Variants in ANKS1B observed in about 807,000 individuals in gnomAD.
The protein encoded by ANKS1B is ankyrin repeat and sterile alpha motif domain-containing protein 1B.
In ANKS1B, 36 loss-of-function variants were observed where a neutral mutation model predicts 148.3. The ratio of observed to expected loss-of-function variants is 0.24; its 90% CI spans 0.19 to 0.32. The LOEUF (loss-of-function observed/expected upper bound fraction) is 0.32, where lower values mean the gene tolerates loss of function less well. Among genes scored for constraint, ANKS1B ranks in the 10% least tolerant of loss-of-function variants. The pLI is 1.00. For missense variants in ANKS1B, 1,157 were observed against 1,542.6 expected, an observed-to-expected ratio of 0.75 and a Z score of 4.19; for synonymous variants, 542 against 560.8, an observed-to-expected ratio of 0.97 and a Z score of 0.47.
At chr12:99,829,426 G>A (rs981082292) in intron 1 of ANKS1B, among the ~76,000 whole-genome samples, 2 of 152,026 alleles carry the variant, frequency 1.3e-5, no homozygotes, top group South Asian at 2.1e-4. Context: ...TGAGTAGGGC[G>A]GATCATGAGG....
chr12:99,952,386 T>C (rs969848360), intron 1 of ANKS1B, among the ~76,000 whole-genome samples: 4 of 152,238 alleles, frequency 2.6e-5, no homozygotes, highest in African/African-American at 9.6e-5. Flanking sequence ...CTGAAACTTC[T>C]AAAATTTTTT....
chr12:99,157,363 T>C (rs1455319295), intron 14 of ANKS1B, among the ~76,000 whole-genome samples: 1 of 152,194 alleles, frequency 6.6e-6, no homozygotes. Context: ...AACACGACAA[T>C]GACACTTTGG....
At chr12:99,323,149 A>G (rs1411671493) in intron 12 of ANKS1B, among the ~76,000 whole-genome samples, 1 of 152,204 alleles carries the variant, frequency 6.6e-6, no homozygotes, top group Admixed American at 6.5e-5. Flanking sequence ...GTTCAACTGA[A>G]GGGTCAGCAT....
chr12:99,869,681 CAAA>C (rs34916090), intron 1 of ANKS1B, among the ~76,000 whole-genome samples: 1 of 123,554 alleles, frequency 8.1e-6, no homozygotes. Flanking sequence ...AACTTTGTCT[CAAA>C]AAAAAAAAAA....
intron 17 of ANKS1B, among the ~76,000 whole-genome samples, chr12:98,846,502 T>C (rs531323947): frequency 1.1e-3 from 166 of 152,350 alleles, no homozygotes; most frequent in African/African-American, 3.8e-3. Flanking sequence ...ACAGGTATGT[T>C]GAGTGACCAG....
intron 8 of ANKS1B, among the ~76,000 whole-genome samples, chr12:99,749,932 G>GA (rs1358153390): frequency 6.6e-6 from 1 of 151,722 alleles, no homozygotes; most frequent in Non-Finnish European, 1.5e-5. Context: ...AAAAGATAAA[G>GA]AAAAAAACGA....
At chr12:99,851,866 T>C (rs1377008996) in intron 1 of ANKS1B, among the ~76,000 whole-genome samples, 1 of 152,198 alleles carries the variant, frequency 6.6e-6, no homozygotes, top group African/African-American at 2.4e-5. Flanking sequence ...TTCAGAACCC[T>C]TCAGAGATTT....
chr12:99,435,678 G>A (rs2095448483), intron 11 of ANKS1B, among the ~76,000 whole-genome samples: 1 of 151,934 alleles, frequency 6.6e-6, no homozygotes, highest in Admixed American at 6.6e-5. Flanking sequence ...AGGGTGAGAA[G>A]GGTAATACAG....
intron 17 of ANKS1B, among the ~76,000 whole-genome samples, chr12:99,003,756 C>T (rs2099934421): frequency 6.6e-6 from 1 of 152,202 alleles, no homozygotes; most frequent in African/African-American, 2.4e-5. Context: ...GGGCAGACCT[C>T]CCGGTTTGCC....
intron 17 of ANKS1B, among the ~76,000 whole-genome samples, chr12:98,980,498 G>A (rs1192213089): frequency 2.0e-5 from 3 of 152,166 alleles, no homozygotes; most frequent in Non-Finnish European, 4.4e-5. Context: ...GAGCCACCGC[G>A]CCCGGCCGCA....
Position 99,098,619 on chromosome 12 carries a change from C to CTTTTTTTTTTTT in ANKS1B, c.2527-13608_2527-13597dup, listed in dbSNP as rs71081896. On this transcript the variant is annotated intron_variant, in intron 15 of 26. Coordinates refer to ENST00000683438, the MANE Select transcript of ANKS1B (RefSeq NM_001352186.2). ...AATAAAGCATGCCTGCTAGGAACTA[C>CTTTTTTTTTTTT]TTTTTTTTTTTTTTTTTTTTTTTTT... Among the ~76,000 whole-genome samples the CTTTTTTTTTTTT allele has an allele frequency of 3.4e-4, 11 of 32,120 alleles. 2 individuals carry two copies. The highest frequency in any genetic ancestry group is 6.3e-4 in the African/African-American group (6 of 9,462). The allele number at this position is 32,120 out of a possible 152,430, so 21.1% of individuals were successfully genotyped here.
chr12:98,952,584 G>A (rs573069357), intron 17 of ANKS1B, among the ~76,000 whole-genome samples: 102 of 152,118 alleles, frequency 6.7e-4, no homozygotes, highest in Non-Finnish European at 1.3e-3. Context: ...CAGGACCCTC[G>A]GCGATCAATA....
chr12:99,429,764 C>A (rs1021014919), intron 11 of ANKS1B, among the ~76,000 whole-genome samples: 2 of 151,916 alleles, frequency 1.3e-5, no homozygotes, highest in African/African-American at 4.8e-5. Flanking sequence ...GAGATTGAGA[C>A]CATCCTGGCT....
At chr12:99,372,961 G>T (rs2093220301) in intron 12 of ANKS1B, among the ~76,000 whole-genome samples, 1 of 152,008 alleles carries the variant, frequency 6.6e-6, no homozygotes, top group Admixed American at 6.6e-5. Context: ...ATTGGAATTG[G>T]TTATGATTAA....
At chr12:99,777,041 G>A (rs2063724523) in intron 6 of ANKS1B, among the ~76,000 whole-genome samples, 1 of 152,096 alleles carries the variant, frequency 6.6e-6, no homozygotes, top group African/African-American at 2.4e-5. Context: ...CACAATGTGG[G>A]CTCAAAATAT....
intron 15 of ANKS1B, among the ~76,000 whole-genome samples, chr12:99,111,228 T>C (rs2060222772): frequency 6.6e-6 from 1 of 152,214 alleles, no homozygotes; most frequent in Non-Finnish European, 1.5e-5. Context: ...AGTTGAACAA[T>C]TTTATTAAAA....
chr12:99,606,583 T>C (rs1444673354), intron 9 of ANKS1B, among the ~76,000 whole-genome samples: 2 of 152,028 alleles, frequency 1.3e-5, no homozygotes, highest in Admixed American at 6.5e-5. Flanking sequence ...GACGCCAAAG[T>C]ACATAAACTT....
intron 9 of ANKS1B, among the ~76,000 whole-genome samples, chr12:99,643,779 C>T (rs1200579730): frequency 6.6e-6 from 1 of 152,178 alleles, no homozygotes; most frequent in East Asian, 1.9e-4. Flanking sequence ...AACTCTGAAT[C>T]CCATCTCAGC....
chr12:99,747,644 C>T (rs1479200900), intron 8 of ANKS1B, among the ~76,000 whole-genome samples: 1 of 152,062 alleles, frequency 6.6e-6, no homozygotes, highest in Admixed American at 6.6e-5. Flanking sequence ...CTCTCTTCTC[C>T]TATACATCAG....
Sources: gnomAD v4.1 joint callset for allele counts (sites outside exome capture counted in the v4.1 genomes callset) on GRCh38, gnomAD v4.1.1 for gene constraint, MANE v1.5 for transcripts, NCBI Gene and HGNC (gene_info 2026-07-23, HGNC 2026-07-21) for gene names.